Variants in ZHX1 observed in about 807,000 individuals in gnomAD.
ZHX1 encodes zinc fingers and homeoboxes protein 1.
ZHX1 carries 20 observed loss-of-function variants against 61.8 expected under a neutral mutation model. The observed-to-expected ratio is 0.32, with a 90% CI of 0.23 to 0.47. ZHX1 has a LOEUF of 0.47. Among genes scored for constraint, ZHX1 ranks in the 20% least tolerant of loss-of-function variants. The pLI is 1.00. For synonymous variants in ZHX1, 318 were observed against 352.6 expected (o/e 0.90, Z 1.10); for missense variants, 800 against 1,034.8 (o/e 0.77, Z 3.11).
Position 123,255,159 on chromosome 8 carries a change from A to C in ZHX1, c.788T>G (p.Val263Gly). Residue 263 changes from valine (V) to glycine (G), a missense_variant, in exon 3 of 4, where the codon GTG becomes GGG. Transcript: ENST00000395571. Reference sequence around the variant, plus strand: ...CTGCTGAGCAGATACAGCAGTTATCACCTGTGCCAATCCAGGAAGAACTGC... The same window carrying C: ...CTGCTGAGCAGATACAGCAGTTATCCCCTGTGCCAATCCAGGAAGAACTGC... ...PAAVLPGLAQ[V>G]ITAVSAQQNS... 1.2e-6 allele frequency: 2 copies of C among 1,614,196 alleles called. No homozygotes were observed. The highest frequency in any genetic ancestry group is 1.7e-6 in the Non-Finnish European group (2 of 1,180,014).
Position 123,253,949 on chromosome 8 carries a change from T to C in ZHX1, c.1998A>G (p.Lys666=), listed in dbSNP as rs1825989237. 6.2e-7 allele frequency: 1 copy of C among 1,614,210 alleles called. No homozygotes were observed. The highest frequency in any genetic ancestry group is 8.5e-7 in the Non-Finnish European group (1 of 1,180,028). ...PKSGSTGKIC[K]KTPEQLHMLK... is the part of the protein sequence containing the mutation. ...GCATGTGCAGCTGCTCAGGTGTTTT[T>C]TTACATATCTTGCCTGTACTCCCTG... The change falls in exon 3 of 4, where the codon AAA becomes AAG. Residue 666 remains lysine, a synonymous_variant. Transcript: ENST00000395571.
intron 2 of ZHX1, chr8:123,262,978 G>A (rs1296249092): frequency 1.4e-5 from 2 of 148,046 alleles, no homozygotes; most frequent in African/African-American, 5.0e-5. Context: ...GGGAGGAAGA[G>A]AGGAAAGTAG....
Position 123,248,814 on chromosome 8 carries a change from A to G in ZHX1, c.*1510T>C, listed in dbSNP as rs907006314. The G allele has an allele frequency of 7.8e-6, 1 of 127,692 alleles. No homozygotes were observed. Among genetic ancestry groups the G allele is most frequent in the African/African-American group, 5.1e-5 (1 of 19,564 alleles). The allele number at this position is 127,692 out of a possible 1,614,324, so 7.9% of individuals were successfully genotyped here. A position where few individuals can be genotyped will look rare whatever the true frequency, so the allele number is the denominator to read the frequency against. On this transcript the variant is annotated 3_prime_UTR_variant, in exon 4 of 4. Coordinates refer to ENST00000395571, the MANE Select transcript of ZHX1 (RefSeq NM_007222.5). The stretch of plus-strand genomic sequence containing the variant: ...AAGAAGTTTTTAAACGTGTAAAAGA[A>G]AAAAAAAAAGCTTAGTGCATTACGG...
In ZHX1 at chr8:123,249,109, C is replaced by CATCT. The variant is rs1416953636; in HGVS notation, c.*1211_*1214dup. 6.5e-6 allele frequency: 1 copy of CATCT among 152,692 alleles called. No homozygotes were observed. The highest frequency in any genetic ancestry group is 1.9e-4 in the East Asian group (1 of 5,192). 9.5% of individuals were successfully genotyped at this position (152,692 alleles called of 1,614,324 possible). Reference sequence around the variant, plus strand: ...AGAGAAAATAAACTGGCTAAGCCTACATCTGGTCATTCAGAAAAACATGTT... The same window carrying CATCT: ...AGAGAAAATAAACTGGCTAAGCCTACATCTATCTGGTCATTCAGAAAAACATGTT... On this transcript the variant is annotated 3_prime_UTR_variant, in exon 4 of 4. Coordinates refer to ENST00000395571, the MANE Select transcript of ZHX1 (RefSeq NM_007222.5).
chr8:123,267,458 C>T (rs906033095), intron 1 of ZHX1, 72 bp from the exon 2 acceptor site: 6 of 430,054 alleles, frequency 1.4e-5, no homozygotes, highest in Non-Finnish European at 2.4e-5. Context: ...CAATTTAATG[C>T]CTTAGCTTTT....
At chr8:123,259,009 A>C (rs1438136781) in intron 2 of ZHX1, among the ~76,000 whole-genome samples, 3 of 152,216 alleles carry the variant, frequency 2.0e-5, no homozygotes, top group Admixed American at 1.3e-4. Context: ...GAGACAATAC[A>C]TCTAGTCAGT....
At position 123,254,820 on chromosome 8, in the gene ZHX1, G is replaced by A; in HGVS notation, c.1127C>T (p.Thr376Ile). The A allele has an allele frequency of 1.9e-6, 3 of 1,614,194 alleles. No individual in the cohort carries two copies. Among genetic ancestry groups the A allele is most frequent in the Non-Finnish European group, 2.5e-6 (3 of 1,180,028 alleles). The change falls in exon 3 of 4, where the codon ACA (threonine) becomes ATA (isoleucine). Residue 376 changes from threonine (T) to isoleucine (I), a missense_variant. Coordinates refer to ENST00000395571, the MANE Select transcript of ZHX1 (RefSeq NM_007222.5). This position sits in a 1 kb window ranked among gnomAD's most constrained non-coding sequence, Gnocchi z 4.1. ...AATAGATGGTAAACCATTACTCCCTGTGGAAATGTGTGTAGGAATAACAGT... is the reference window on the plus strand; with the variant it reads ...AATAGATGGTAAACCATTACTCCCTATGGAAATGTGTGTAGGAATAACAGT... ...TITVIPTHIS[T>I]GSNGLPSILQ...
intron 1 of ZHX1, among the ~76,000 whole-genome samples, chr8:123,268,791 T>C (rs1411862317): frequency 1.3e-5 from 2 of 152,188 alleles, no homozygotes; most frequent in Admixed American, 6.5e-5. Flanking sequence ...AACCGGCCTT[T>C]TGTTGTATTC....
chr8:123,253,712 T>C lies in ZHX1; in HGVS notation c.2235A>G (p.Arg745=). The change falls in exon 3 of 4, where the codon AGA becomes AGG. Residue 745 remains arginine (R), a synonymous_variant. Coordinates refer to ENST00000395571, the MANE Select transcript of ZHX1 (RefSeq NM_007222.5). ...NGLSSLRKRG[R]GRPKGRGRGR... is the part of the protein sequence containing the mutation. ...CTCTTCCCCGTCCTTTGGGTCTCCC[T>C]CTCCCTCTTTTCCTAAGGGAAGACA... The C allele has an allele frequency of 6.2e-7, 1 of 1,614,208 alleles. No individual in the cohort carries two copies. Among genetic ancestry groups the C allele is most frequent in the Non-Finnish European group, 8.5e-7 (1 of 1,180,020 alleles).
intron 1 of ZHX1, among the ~76,000 whole-genome samples, chr8:123,268,158 T>C (rs932980337): frequency 6.6e-6 from 1 of 152,220 alleles, no homozygotes; most frequent in Non-Finnish European, 1.5e-5. Flanking sequence ...AGAGGATTAT[T>C]AATGCTGACA....
chr8:123,265,885 T>C (rs1180773395), intron 2 of ZHX1, among the ~76,000 whole-genome samples: 1 of 152,250 alleles, frequency 6.6e-6, no homozygotes, highest in African/African-American at 2.4e-5. Context: ...TAATTAAGGC[T>C]GAAAGGTAAG....
Position 123,254,100 on chromosome 8 carries a change from A to G in ZHX1, c.1847T>C (p.Phe616Ser). ...AGCTTTTGATTTCTTCTTCTCTGTAAACCAAGCATCGATTTCTCTTCTGGT... is the reference window on the plus strand; with the variant it reads ...AGCTTTTGATTTCTTCTTCTCTGTAGACCAAGCATCGATTTCTCTTCTGGT... ...KLTRREIDAW[F>S]TEKKKSKALK... The change falls in exon 3 of 4, where the codon TTT becomes TCT. Residue 616 changes from phenylalanine (F) to serine (S), a missense_variant. Phe to Ser is a radical substitution (Grantham distance 155). Transcript: ENST00000395571. This position sits in a 1 kb window ranked among gnomAD's most constrained non-coding sequence, Gnocchi z 4.1. The G allele has an allele frequency of 6.2e-7, 1 of 1,614,072 alleles. No homozygotes were observed. Among genetic ancestry groups the G allele is most frequent in the African/African-American group, 1.3e-5 (1 of 75,030 alleles).
intron 2 of ZHX1, 59 bp downstream of exon 2, chr8:123,267,214 T>C: frequency 6.8e-7 from 1 of 1,477,338 alleles, no homozygotes; most frequent in Non-Finnish European, 9.1e-7. Flanking sequence ...TATCATGGGA[T>C]CTAAAGTGAG....
chr8:123,261,061 TC>T (rs1461609335), intron 2 of ZHX1, among the ~76,000 whole-genome samples: 2 of 152,060 alleles, frequency 1.3e-5, no homozygotes, highest in Non-Finnish European at 2.9e-5. Context: ...CACTGTCAGG[TC>T]CCCATGATTT....
chr8:123,274,441 G>C (rs912464045), upstream of ZHX1: 1 of 152,246 alleles, frequency 6.6e-6, no homozygotes, highest in South Asian at 2.1e-4. Context: ...GGGGCGGAGG[G>C]GGAAGGGAGA....
rs549793454 is a variant in ZHX1 at position 123,265,072 on chromosome 8, C to A, written c.-226+2201G>T. Among the ~76,000 whole-genome samples, 8 of 150,834 alleles carry A rather than the reference C, an allele frequency of 5.3e-5. No individual in the cohort carries two copies. In the South Asian group the frequency reaches 1.7e-3, roughly 32 times the overall value. On this transcript the variant is annotated intron_variant, in intron 2 of 3. Coordinates refer to ENST00000395571, the MANE Select transcript of ZHX1 (RefSeq NM_007222.5). ...GGCGTCGTGGCGTGCACTTATAATT[C>A]CAGCTACTCGGGAGGTTGAGGCAGG...
chr8:123,249,182 CA>C lies in ZHX1; in HGVS notation c.*1141del. ...GAACATTTCTTCTACGAAGAAAGCG[CA>C]TTTTGAAAAATGGTCCTATGGTCAC... On this transcript the variant is annotated 3_prime_UTR_variant, in exon 4 of 4. Coordinates refer to ENST00000395571, the MANE Select transcript of ZHX1 (RefSeq NM_007222.5). 6.6e-6 allele frequency: 1 copy of C among 152,522 alleles called. No individual in the cohort carries two copies. Among genetic ancestry groups the C allele is most frequent in the East Asian group, 1.9e-4 (1 of 5,202 alleles). 9.4% of individuals were successfully genotyped at this position (152,522 alleles called of 1,614,324 possible).
At chr8:123,269,935 C>T (rs1259843501) in intron 1 of ZHX1, among the ~76,000 whole-genome samples, 1 of 150,628 alleles carries the variant, frequency 6.6e-6, no homozygotes, top group Non-Finnish European at 1.5e-5. Context: ...AACAAGTTGG[C>T]TTCAAAAGGC....
rs1475380535 is a variant in ZHX1, at chr8:123,253,633, C to T, written c.2314G>A (p.Gly772Arg). Residue 772 changes from glycine (G) to arginine (R), a missense_variant, in exon 3 of 4, where the codon GGA becomes AGA. By Grantham distance (125) the Gly-to-Arg change is moderately radical (BLOSUM62 -2). Transcript: ENST00000395571. ...GSKRINNWDRGPSLIKFKTGT... is the reference protein window; with the variant it reads ...GSKRINNWDRRPSLIKFKTGT... ...GTTTTAAATTTTATGAGTGATGGTC[C>T]CCTGTCCCAGTTGTTAATTCTTTTG... The T allele has an allele frequency of 1.9e-6, 3 of 1,614,144 alleles. No individual in the cohort carries two copies. The highest frequency in any genetic ancestry group is 2.5e-6 in the Non-Finnish European group (3 of 1,180,014).
Sources: allele counts gnomAD v4.1 joint callset (sites outside exome capture counted in the v4.1 genomes callset), GRCh38; gene constraint gnomAD v4.1.1; non-coding constraint Gnocchi (gnomAD v3.1); transcripts MANE v1.5; gene names NCBI Gene and HGNC (gene_info 2026-07-23, HGNC 2026-07-21).